The following CDC25C variants were observed in gnomAD, a reference collection of about 807,000 sequenced individuals.
CDC25C encodes M-phase inducer phosphatase 3.
In CDC25C, 48 loss-of-function variants were observed where a neutral mutation model predicts 52.5. That is an observed-to-expected ratio of 0.91 (90% confidence interval 0.72 to 1.16). The LOEUF (loss-of-function observed/expected upper bound fraction) is 1.16, where lower values mean the gene tolerates loss of function less well. Ranked by LOEUF, CDC25C falls within the 50% of genes most tolerant of loss-of-function variation. The probability of loss-of-function intolerance (pLI) is 0.00; values close to 1 mark genes in which losing one functional copy is unlikely to be tolerated. For missense variants in CDC25C, 510 were observed against 566.1 expected (o/e 0.90, Z 1.01); for synonymous variants, 187 against 206.5 (o/e 0.91, Z 0.81).
chr5:138,338,277 G>T, exon 1 of CDC25C: 1 of 915,706 alleles, frequency 1.1e-6, no homozygotes, highest in Non-Finnish European at 1.5e-6. Context: ...GAGCTGCTCC[G>T]GCCGCGGCCC....
At chr5:138,304,331 CTTTTTTTTTTTT>C (rs558050918) in intron 7 of CDC25C, among the ~76,000 whole-genome samples, 2 of 100,898 alleles carry the variant, frequency 2.0e-5, no homozygotes, top group Non-Finnish European at 3.8e-5. Flanking sequence ...CCATGCCTGG[CTTTTTTTTTTTT>C]TTTTTTTTTT....
chr5:138,316,197 G>C (rs1374945417), intron 7 of CDC25C, among the ~76,000 whole-genome samples: 4 of 152,190 alleles, frequency 2.6e-5, no homozygotes, highest in African/African-American at 9.7e-5. Context: ...GGCCCAGGAA[G>C]GCCTCCCCAC....
At position 138,287,193 on chromosome 5, in the gene CDC25C, A is replaced by G. The variant is rs377279172; in HGVS notation, c.1002T>C (p.Tyr334=). Residue 334 remains tyrosine (Y), a synonymous_variant, in exon 11 of 14, where the codon TAT becomes TAC. Transcript: ENST00000323760. ...CCTGGATGTGTCCTCCCAGATACTC[A>G]TATGGATAGCGACAATCAATGACAT... The part of the protein sequence containing the change: ...KFYVIDCRYP[Y]EYLGGHIQGA... The G allele has an allele frequency of 1.6e-5, 26 of 1,613,940 alleles. 1 individual carries two copies. In the South Asian group the frequency reaches 1.8e-4, roughly 11 times the overall value.
intron 7 of CDC25C, among the ~76,000 whole-genome samples, chr5:138,311,725 C>CT (rs913347373): frequency 6.6e-6 from 1 of 152,084 alleles, no homozygotes; most frequent in African/African-American, 2.4e-5. Flanking sequence ...AAATTAAAAA[C>CT]TTTTTTGCAA....
At chr5:138,290,769 C>G (rs911100865) in intron 8 of CDC25C, 29 bp from the exon 9 acceptor site, 13 of 1,331,834 alleles carry the variant, frequency 9.8e-6, no homozygotes, top group Non-Finnish European at 1.4e-5. Flanking sequence ...CCACCCCACA[C>G]CCAATCCTCA....
intron 6 of CDC25C, among the ~76,000 whole-genome samples, chr5:138,322,765 G>A (rs1225296200): frequency 1.3e-5 from 2 of 150,844 alleles, no homozygotes; most frequent in East Asian, 2.0e-4. Context: ...GTGAGCCACC[G>A]CGCCCGGCCC....
At chr5:138,287,326 C>T in intron 10 of CDC25C, 59 bp from the exon 11 acceptor site, 1 of 1,197,216 alleles carries the variant, frequency 8.4e-7, no homozygotes, top group South Asian at 1.2e-5. Context: ...AGAGAAGGGT[C>T]AATGACACAG....
Position 138,290,859 on chromosome 5 carries a change from G to A in CDC25C, c.763-119C>T, listed in dbSNP as rs111468653. 3.8e-4 allele frequency: 249 copies of A among 649,676 alleles called. 3 individuals carry two copies. The highest frequency in any genetic ancestry group is 3.8e-3 in the African/African-American group (211 of 55,138). 40.2% of individuals were successfully genotyped at this position (649,676 alleles called of 1,614,324 possible). A position where few individuals can be genotyped will look rare whatever the true frequency, so the allele number is the denominator to read the frequency against. On this transcript the variant is annotated intron_variant, in intron 8 of 13. Coordinates refer to ENST00000323760, the MANE Select transcript of CDC25C (RefSeq NM_001790.5). ...AATCCTAGCTACATGGGAGGCTGAG[G>A]TAGGGAGATCACTTGAGCCCAGGAG...
chr5:138,307,185 T>G (rs973166173), intron 7 of CDC25C, among the ~76,000 whole-genome samples: 14 of 151,860 alleles, frequency 9.2e-5, no homozygotes, highest in African/African-American at 3.4e-4. Flanking sequence ...CTATGCATAT[T>G]CTTATAGGAT....
At chr5:138,290,328 TGGGA>T (rs1387028979) in intron 9 of CDC25C, among the ~76,000 whole-genome samples, 1 of 152,232 alleles carries the variant, frequency 6.6e-6, no homozygotes, top group African/African-American at 2.4e-5. Flanking sequence ...TAATAAAGTT[TGGGA>T]TAAATTTCTT....
chr5:138,338,192 C>A lies in CDC25C; in HGVS notation c.-224G>T, dbSNP rs769229044. The A allele has an allele frequency of 3.9e-6, 5 of 1,285,270 alleles. No individual in the cohort carries two copies. In the East Asian group the frequency reaches 1.7e-4, roughly 43 times the overall value. 79.6% of individuals were successfully genotyped at this position (1,285,270 alleles called of 1,614,324 possible). A position where few individuals can be genotyped will look rare whatever the true frequency, so the allele number is the denominator to read the frequency against. ...GGGGATTCTGCGAGCCGGAGCTGTC[C>A]CCCTACTCTCCTCAGGGACTCGTTG... On this transcript the variant is annotated 5_prime_UTR_variant, in exon 1 of 6. Coordinates refer to the CDC25C transcript ENST00000510119.
At chr5:138,285,968 G>A (rs1181022759) in intron 13 of CDC25C, 54 bp downstream of exon 13, 1 of 1,536,582 alleles carries the variant, frequency 6.5e-7, no homozygotes, top group Admixed American at 1.7e-5. Flanking sequence ...AGGCTTTGCA[G>A]GCCCTGGGAG....
intron 6 of CDC25C, among the ~76,000 whole-genome samples, chr5:138,323,969 A>C (rs7443648): frequency 0.44 from 66,313 of 149,376 alleles, 16,152 homozygotes; most frequent in South Asian, 0.68. Flanking sequence ...AAAAAAAAAA[A>C]AAAACAAATT....
upstream of CDC25C, among the ~76,000 whole-genome samples, chr5:138,332,533 T>C (rs567166732): frequency 2.1e-4 from 32 of 152,258 alleles, no homozygotes; most frequent in African/African-American, 7.0e-4. Context: ...CCTCAAAGAT[T>C]GGTTATTAAT....
intron 6 of CDC25C, among the ~76,000 whole-genome samples, chr5:138,319,842 A>G (rs2126794839): frequency 6.6e-6 from 1 of 152,310 alleles, no homozygotes; most frequent in African/African-American, 2.4e-5. Flanking sequence ...ACTTCTTTAT[A>G]CCCATTAGGA....
intron 7 of CDC25C, among the ~76,000 whole-genome samples, chr5:138,293,402 G>A (rs980146242): frequency 1.8e-4 from 27 of 152,134 alleles, no homozygotes; most frequent in Admixed American, 6.6e-5. Context: ...TCAAGGCCAC[G>A]AAGCCAGTGA....
intron 7 of CDC25C, among the ~76,000 whole-genome samples, chr5:138,304,151 T>C (rs1234950442): frequency 6.6e-6 from 1 of 152,000 alleles, no homozygotes; most frequent in African/African-American, 2.4e-5. Flanking sequence ...CCAAAATATA[T>C]ATATCTATGT....
chr5:138,315,926 T>C (rs1226970722), intron 7 of CDC25C, among the ~76,000 whole-genome samples: 1 of 152,228 alleles, frequency 6.6e-6, no homozygotes, highest in Non-Finnish European at 1.5e-5. Flanking sequence ...CTTCCCCTTC[T>C]GAGTTGGGGC....
rs550179909 is a variant in CDC25C at position 138,301,522 on chromosome 5, G to A, written c.616-9406C>T. On this transcript the variant is annotated intron_variant, in intron 7 of 13. Transcript: ENST00000323760. ...TGAATCGTGCCAAACATCTAAAAGAGAAATAAAACCAATTCTATATAAACT... is the reference window on the plus strand; with the variant it reads ...TGAATCGTGCCAAACATCTAAAAGAAAAATAAAACCAATTCTATATAAACT... 2.5e-4 allele frequency among the ~76,000 whole-genome samples: 37 copies of A among 150,510 alleles called. No individual in the cohort carries two copies. The East Asian group carries it at 6.5e-3, about 26-fold the overall frequency.
Sources: gnomAD v4.1 joint callset for allele counts (sites outside exome capture counted in the v4.1 genomes callset) on GRCh38, gnomAD v4.1.1 for gene constraint, MANE v1.5 for transcripts, NCBI Gene and HGNC (gene_info 2026-07-23, HGNC 2026-07-21) for gene names.